IGF2BP3: variants seen among roughly 807,000 people sequenced by gnomAD.
IGF2BP3 encodes insulin like growth factor 2 mRNA binding protein 3.
IGF2BP3 carries 9 observed loss-of-function variants against 73.8 expected under a neutral mutation model. That is an observed-to-expected ratio of 0.12 (90% confidence interval 0.07 to 0.21). The LOEUF is 0.21. Among genes scored for constraint, IGF2BP3 ranks in the 10% least tolerant of loss-of-function variants. The pLI is 1.00. For synonymous variants in IGF2BP3, 258 were observed against 256.7 expected (o/e 1.01, Z -0.05); for missense variants, 542 against 714.0 (o/e 0.76, Z 2.75).
intron 2 of IGF2BP3, among the ~76,000 whole-genome samples, chr7:23,452,168 C>G (rs1159396335): frequency 6.6e-6 from 1 of 151,810 alleles, no homozygotes; most frequent in Non-Finnish European, 1.5e-5. Context: ...CCACGCCCAG[C>G]TAATTTTTTG....
chr7:23,383,923 C>A (rs1349171050), intron 3 of IGF2BP3, among the ~76,000 whole-genome samples: 2 of 151,676 alleles, frequency 1.3e-5, no homozygotes, highest in African/African-American at 4.8e-5. Flanking sequence ...GGTGAGACCC[C>A]ATCTCTACTA....
At chr7:23,317,740 G>T in intron 11 of IGF2BP3, 27 bp from the exon 12 acceptor site, 2 of 1,590,208 alleles carry the variant, frequency 1.3e-6, no homozygotes, top group Non-Finnish European at 1.7e-6. Flanking sequence ...AACAAGTTAT[G>T]ATACTTTCAG....
chr7:23,366,931 C>T (rs1785390092), intron 3 of IGF2BP3, among the ~76,000 whole-genome samples: 1 of 151,910 alleles, frequency 6.6e-6, no homozygotes, highest in Admixed American at 6.6e-5. Context: ...GCCACTCCAG[C>T]CCACTGAACT....
intron 3 of IGF2BP3, among the ~76,000 whole-genome samples, chr7:23,403,211 A>G (rs1386783986): frequency 6.6e-6 from 1 of 152,274 alleles, no homozygotes; most frequent in South Asian, 2.1e-4. Context: ...ACTAGAGAAA[A>G]CCACTAAACT....
chr7:23,470,197 T>G lies in IGF2BP3; in HGVS notation c.-87A>C. ...GGTGATGGATGGATCCAGCTGGTTT[T>G]GTTCCCCTCGTCTTCTCGCCTTTAA... On this transcript the variant is annotated 5_prime_UTR_variant, in exon 1 of 15. Transcript: ENST00000258729. The G allele has an allele frequency of 9.1e-7, 1 of 1,100,188 alleles. No homozygotes were observed. The highest frequency in any genetic ancestry group is 1.3e-6 in the Non-Finnish European group (1 of 764,266). The allele number at this position is 1,100,188 out of a possible 1,614,324, so 68.2% of individuals were successfully genotyped here. A position where few individuals can be genotyped will look rare whatever the true frequency, so the allele number is the denominator to read the frequency against.
chr7:23,368,340 AAAAAAAGAAAG>A (rs1562704969), intron 3 of IGF2BP3, among the ~76,000 whole-genome samples: 4 of 141,086 alleles, frequency 2.8e-5, no homozygotes, highest in African/African-American at 1.1e-4. Flanking sequence ...AGAAAGAAAG[AAAAAAAGAAAG>A]AAAGAAAGAA....
chr7:23,415,220 C>T (rs1299359879), intron 3 of IGF2BP3: 3 of 235,140 alleles, frequency 1.3e-5, no homozygotes, highest in South Asian at 8.0e-5. Flanking sequence ...GTCCGTCAGT[C>T]GGCATCAACG....
At chr7:23,372,290 GCCTCAAACT>G (rs1345399930) in intron 3 of IGF2BP3, among the ~76,000 whole-genome samples, 4 of 152,090 alleles carry the variant, frequency 2.6e-5, no homozygotes, top group African/African-American at 9.7e-5. Flanking sequence ...GGCCAGGCTG[GCCTCAAACT>G]CCTGACCTCG....
At chr7:23,393,031 T>C (rs1786334143) in intron 3 of IGF2BP3, among the ~76,000 whole-genome samples, 1 of 152,228 alleles carries the variant, frequency 6.6e-6, no homozygotes, top group Non-Finnish European at 1.5e-5. Flanking sequence ...GACACTCTGA[T>C]ATCTGACTTC....
Position 23,435,145 on chromosome 7 carries a change from T to C in IGF2BP3, c.237-16321A>G, listed in dbSNP as rs1213380729. On this transcript the variant is annotated intron_variant, in intron 2 of 14. Transcript: ENST00000258729. ...CCATCTCTACTAAAAGTACAAAAATTAGCCAGGTGTGGTGGCGGGTACGTG... is the reference window on the plus strand; with the variant it reads ...CCATCTCTACTAAAAGTACAAAAATCAGCCAGGTGTGGTGGCGGGTACGTG... Among the ~76,000 whole-genome samples the C allele has an allele frequency of 2.0e-5, 3 of 151,518 alleles. No homozygotes were observed. In the East Asian group the frequency reaches 5.9e-4, roughly 30 times the overall value.
chr7:23,465,517 A>G (rs1219002521), intron 2 of IGF2BP3, among the ~76,000 whole-genome samples: 3 of 132,608 alleles, frequency 2.3e-5, no homozygotes, highest in Admixed American at 2.2e-4. Flanking sequence ...CTACTTCCTG[A>G]AAGGGTCCCC....
intron 8 of IGF2BP3, among the ~76,000 whole-genome samples, chr7:23,344,440 T>A (rs950077157): frequency 6.6e-6 from 1 of 152,206 alleles, no homozygotes; most frequent in African/African-American, 2.4e-5. Flanking sequence ...TATCAATCCA[T>A]CTTGACTAAA....
At chr7:23,430,968 A>T (rs999469199) in intron 2 of IGF2BP3, among the ~76,000 whole-genome samples, 3 of 152,274 alleles carry the variant, frequency 2.0e-5, no homozygotes, top group Non-Finnish European at 4.4e-5. Flanking sequence ...AGAATATTTA[A>T]TGAAGACATG....
intron 2 of IGF2BP3, among the ~76,000 whole-genome samples, chr7:23,421,644 T>C (rs1240137045): frequency 2.7e-5 from 4 of 148,614 alleles, no homozygotes; most frequent in Admixed American, 6.7e-5. Flanking sequence ...TGAGCCAAGA[T>C]TGCGCCACTG....
chr7:23,361,616 G>A lies in IGF2BP3; in HGVS notation c.338-19C>T, dbSNP rs766993900. ...GTGTTCACTAGAGGAAGAGAAAAAC[G>A]AAGAGAATAAAAGTTAGTTTTCTTT... On this transcript the variant is annotated intron_variant, in intron 4 of 14. Transcript: ENST00000258729. The A allele has an allele frequency of 5.8e-5, 93 of 1,613,142 alleles. No individual in the cohort carries two copies. The highest frequency in any genetic ancestry group is 6.9e-5 in the Non-Finnish European group (81 of 1,179,432).
At chr7:23,452,797 T>C (rs1007337224) in intron 2 of IGF2BP3, among the ~76,000 whole-genome samples, 9 of 106,106 alleles carry the variant, frequency 8.5e-5, no homozygotes, top group African/African-American at 3.1e-4. Context: ...GCGAGACTCA[T>C]CTCAAAAAAA....
intron 2 of IGF2BP3, among the ~76,000 whole-genome samples, chr7:23,457,553 GGCTAAATTATT>G (rs1434192700): frequency 6.6e-6 from 1 of 152,160 alleles, no homozygotes; most frequent in Non-Finnish European, 1.5e-5. Flanking sequence ...TGAAAAGGAT[GGCTAAATTATT>G]GCACACCTAT....
chr7:23,407,135 G>A (rs562022835), intron 3 of IGF2BP3, among the ~76,000 whole-genome samples: 58 of 147,066 alleles, frequency 3.9e-4, no homozygotes, highest in East Asian at 1.0e-3. Context: ...AAGGATAAGC[G>A]AATACTACAA....
chr7:23,423,328 C>T (rs1787404504), intron 2 of IGF2BP3, among the ~76,000 whole-genome samples: 1 of 152,210 alleles, frequency 6.6e-6, no homozygotes, highest in Non-Finnish European at 1.5e-5. Flanking sequence ...TTAAAATACT[C>T]TACTGCTTCT....
Sources: allele counts gnomAD v4.1 joint callset (sites outside exome capture counted in the v4.1 genomes callset), GRCh38; gene constraint gnomAD v4.1.1; transcripts MANE v1.5; gene names NCBI Gene and HGNC (gene_info 2026-07-23, HGNC 2026-07-21).